Variants in HS3ST4 observed in about 807,000 individuals in gnomAD.
The protein encoded by HS3ST4 is heparan sulfate-glucosamine 3-sulfotransferase 4.
A neutral mutation model predicts 29.2 loss-of-function variants in HS3ST4; 17 were observed. The ratio of observed to expected loss-of-function variants is 0.58; its 90% CI spans 0.40 to 0.87. The LOEUF (loss-of-function observed/expected upper bound fraction) is 0.87, where lower values mean the gene tolerates loss of function less well. HS3ST4 is among the 40% of genes least tolerant of loss of function. The pLI is 0.00. For missense variants in HS3ST4, 627 were observed against 634.5 expected, an observed-to-expected ratio of 0.99 and a Z score of 0.13; for synonymous variants, 314 against 285.7, an observed-to-expected ratio of 1.10 and a Z score of -1.00.
At chr16:25,826,031 A>G (rs1967211061) in intron 1 of HS3ST4, 1 of 152,222 alleles carries the variant, frequency 6.6e-6, no homozygotes, top group Admixed American at 6.5e-5. Flanking sequence ...CACATCCCAC[A>G]AGAGCTCTAT....
intron 1 of HS3ST4, among the ~76,000 whole-genome samples, chr16:25,789,544 CTTTT>C (rs906962798): frequency 2.8e-5 from 4 of 141,534 alleles, no homozygotes; most frequent in African/African-American, 7.9e-5. Context: ...TTTTTTTCTT[CTTTT>C]GTCTCATGAA....
intron 1 of HS3ST4, among the ~76,000 whole-genome samples, chr16:25,739,604 G>A (rs540875931): frequency 1.3e-5 from 2 of 152,286 alleles, no homozygotes; most frequent in Admixed American, 1.3e-4. Flanking sequence ...TTTTTCTGAG[G>A]AGCGATGACA....
At chr16:25,938,916 T>C (rs1422102789) in intron 1 of HS3ST4, among the ~76,000 whole-genome samples, 1 of 152,216 alleles carries the variant, frequency 6.6e-6, no homozygotes, top group Non-Finnish European at 1.5e-5. Context: ...TTATACCCCC[T>C]TTCTCCTGCT....
chr16:26,011,386 C>T (rs1157622125), intron 1 of HS3ST4, among the ~76,000 whole-genome samples: 1 of 151,680 alleles, frequency 6.6e-6, no homozygotes, highest in Non-Finnish European at 1.5e-5. Flanking sequence ...ATGGTGAAAC[C>T]CCGTCTCTAC....
At chr16:25,855,241 G>A (rs1967564037) in intron 1 of HS3ST4, among the ~76,000 whole-genome samples, 2 of 152,128 alleles carry the variant, frequency 1.3e-5, no homozygotes, top group South Asian at 2.1e-4. Context: ...GGGGATGGGT[G>A]TGGAAGTCAA....
At chr16:25,712,710 G>T (rs1463694144) in intron 1 of HS3ST4, among the ~76,000 whole-genome samples, 1 of 152,076 alleles carries the variant, frequency 6.6e-6, no homozygotes, top group Non-Finnish European at 1.5e-5. Flanking sequence ...AAAGGGAAAA[G>T]GGAAAGATTG....
In HS3ST4 at chr16:26,043,813, T is replaced by C. The variant is rs539754910; in HGVS notation, c.735-91799T>C. Among the ~76,000 whole-genome samples the C allele has an allele frequency of 2.0e-5, 3 of 152,336 alleles. No homozygotes were observed. The South Asian group carries it at 6.2e-4, about 32-fold the overall frequency. On this transcript the variant is annotated intron_variant, in intron 1 of 1. Coordinates refer to ENST00000331351, the MANE Select transcript of HS3ST4 (RefSeq NM_006040.3). Reference sequence around the variant, plus strand: ...CTTCTTGTACCCCCGCCTTCCATGATTAATTGGTCCCCAAATTGTGCCATT... The same window carrying C: ...CTTCTTGTACCCCCGCCTTCCATGACTAATTGGTCCCCAAATTGTGCCATT...
intron 1 of HS3ST4, among the ~76,000 whole-genome samples, chr16:25,720,517 G>C (rs1005841081): frequency 1.3e-5 from 2 of 152,164 alleles, no homozygotes; most frequent in Admixed American, 6.5e-5. Context: ...GGACTGGCTG[G>C]TGAGCATAGG....
intron 1 of HS3ST4, among the ~76,000 whole-genome samples, chr16:25,867,034 G>T (rs1317673254): frequency 6.6e-6 from 1 of 152,172 alleles, no homozygotes; most frequent in Non-Finnish European, 1.5e-5. Context: ...CATAAAGGAA[G>T]GGTGGGCCTG....
intron 1 of HS3ST4, among the ~76,000 whole-genome samples, chr16:25,934,438 G>A (rs570015019): frequency 5.3e-5 from 8 of 152,298 alleles, no homozygotes; most frequent in Admixed American, 4.6e-4. Flanking sequence ...GGAGGTTAAC[G>A]AGCAACTATG....
chr16:25,838,174 G>A (rs928839428), intron 1 of HS3ST4, among the ~76,000 whole-genome samples: 16 of 152,184 alleles, frequency 1.1e-4, no homozygotes, highest in African/African-American at 3.4e-4. Context: ...TGCTGGAATC[G>A]TGTATCCTAC....
intron 1 of HS3ST4, among the ~76,000 whole-genome samples, chr16:26,074,781 T>C (rs2141779036): frequency 6.6e-6 from 1 of 152,342 alleles, no homozygotes; most frequent in African/African-American, 2.4e-5. Flanking sequence ...CCTGCTTTCC[T>C]GTAACTACCA....
intron 1 of HS3ST4, chr16:26,028,897 G>C (rs1969504639): frequency 6.6e-6 from 1 of 152,256 alleles, no homozygotes; most frequent in Non-Finnish European, 1.5e-5. Flanking sequence ...AAGTGTGTAA[G>C]AACGTGGGTC....
chr16:26,095,054 A>G (rs1308067948), intron 1 of HS3ST4, among the ~76,000 whole-genome samples: 1 of 152,268 alleles, frequency 6.6e-6, no homozygotes, highest in Non-Finnish European at 1.5e-5. Context: ...CAATTCAACA[A>G]GAAGAGCTAA....
intron 1 of HS3ST4, among the ~76,000 whole-genome samples, chr16:26,040,842 G>T (rs1969631031): frequency 6.6e-6 from 1 of 151,992 alleles, no homozygotes; most frequent in Admixed American, 6.6e-5. Flanking sequence ...GCCTTAAGAG[G>T]TATGCATCCA....
intron 1 of HS3ST4, among the ~76,000 whole-genome samples, chr16:26,108,273 A>G (rs1273271535): frequency 6.6e-6 from 1 of 152,040 alleles, no homozygotes; most frequent in Non-Finnish European, 1.5e-5. Context: ...TATTCATGTC[A>G]TTTGCACTAG....
intron 1 of HS3ST4, among the ~76,000 whole-genome samples, chr16:25,835,318 G>C (rs2141641710): frequency 6.6e-6 from 1 of 152,264 alleles, no homozygotes; most frequent in Admixed American, 6.5e-5. Context: ...ACACTGCCTT[G>C]CCATATGAGT....
intron 1 of HS3ST4, among the ~76,000 whole-genome samples, chr16:25,775,865 G>T (rs1966847131): frequency 6.6e-6 from 1 of 152,142 alleles, no homozygotes; most frequent in African/African-American, 2.4e-5. Context: ...ATTCCATGAT[G>T]GCACAGACCA....
intron 1 of HS3ST4, among the ~76,000 whole-genome samples, chr16:25,808,415 C>A (rs1458434930): frequency 6.6e-6 from 1 of 152,102 alleles, no homozygotes; most frequent in Non-Finnish European, 1.5e-5. Context: ...TGTTTTGATA[C>A]TTTTGTCAAA....
Sources: gnomAD v4.1 joint callset for allele counts (sites outside exome capture counted in the v4.1 genomes callset) on GRCh38, gnomAD v4.1.1 for gene constraint, MANE v1.5 for transcripts, NCBI Gene and HGNC (gene_info 2026-07-23, HGNC 2026-07-21) for gene names.